ATP7B: variants seen among roughly 807,000 people sequenced by gnomAD.
ATP7B encodes the protein ATPase copper transporting beta, also known as copper-transporting ATPase 2.
In ATP7B, 113 loss-of-function variants were observed where a neutral mutation model predicts 118.9. That is an observed-to-expected ratio of 0.95 (90% confidence interval 0.82 to 1.11). ATP7B has a LOEUF of 1.11. Among genes scored for constraint, ATP7B ranks in the 50% most tolerant of loss-of-function variants. The pLI is 0.00. For missense variants in ATP7B, 1,867 were observed against 1,871.4 expected (o/e 1.00, Z 0.04); for synonymous variants, 777 against 727.4 (o/e 1.07, Z -1.10).
At position 51,974,971 on chromosome 13, in the gene ATP7B, C is replaced by A; in HGVS notation, c.249G>T (p.Leu83Phe). 1.2e-6 allele frequency: 2 copies of A among 1,614,222 alleles called. No individual in the cohort carries two copies. The highest frequency in any genetic ancestry group is 1.7e-6 in the Non-Finnish European group (2 of 1,180,036). The stretch of plus-strand genomic sequence containing the variant: ...AAACCTTCATGCTGATGATGCCTTT[C>A]AAATTGGAAATCCTGTCCTCAATGG... ...VKSIEDRISN[L>F]KGIISMKVSL... is the part of the protein sequence containing the mutation. The change falls in exon 2 of 21, where the codon TTG becomes TTT. Residue 83 changes from leucine (L) to phenylalanine (F), a missense_variant. Leu to Phe is a conservative substitution (Grantham distance 22). Transcript: ENST00000242839.
chr13:51,987,383 C>A (rs1319981836), intron 1 of ATP7B, among the ~76,000 whole-genome samples: 1 of 152,164 alleles, frequency 6.6e-6, no homozygotes, highest in African/African-American at 2.4e-5. Context: ...TCAAGGAGAA[C>A]TACAAACCAC....
chr13:51,957,551 G>A lies in ATP7B; in HGVS notation c.2412C>T (p.Thr804=), dbSNP rs372306234. ...AATTGTCCTCACCAAGGGTCACAAC[G>A]GTGGCTTCTGTGGCTTGGAGAGACA... ...KLMSLQATEA[T]VVTLGEDNLI... is the part of the protein sequence containing the mutation. The change falls in exon 9 of 21, where the codon ACC becomes ACT. Residue 804 remains threonine, a synonymous_variant. Coordinates refer to ENST00000242839, the MANE Select transcript of ATP7B (RefSeq NM_000053.4). 15 of 1,613,960 alleles carry A rather than the reference G, an allele frequency of 9.3e-6. No individual in the cohort carries two copies. The highest frequency in any genetic ancestry group is 7.7e-5 in the South Asian group (7 of 91,078).
chr13:51,991,394 A>T (rs1471740690), intron 1 of ATP7B, among the ~76,000 whole-genome samples: 1 of 151,968 alleles, frequency 6.6e-6, no homozygotes, highest in Non-Finnish European at 1.5e-5. Flanking sequence ...TGGGAGGATC[A>T]CTGATGGGAG....
chr13:51,969,875 G>A lies in ATP7B; in HGVS notation c.1543+617C>T, dbSNP rs144362988. Among the ~76,000 whole-genome samples, 49 of 152,334 alleles carry A rather than the reference G, an allele frequency of 3.2e-4. No individual in the cohort carries two copies. In the East Asian group the frequency reaches 8.3e-3, roughly 26 times the overall value. ...CAGGGCTGATTCTAAGGGCCAGGGA[G>A]TTCAAGTAAAAAGACACATCACTGG... On this transcript the variant is annotated intron_variant, in intron 3 of 20. Coordinates refer to ENST00000242839, the MANE Select transcript of ATP7B (RefSeq NM_000053.4).
At chr13:52,004,964 C>T (rs1378591929) in intron 1 of ATP7B, among the ~76,000 whole-genome samples, 1 of 152,222 alleles carries the variant, frequency 6.6e-6, no homozygotes. Context: ...CCTTCCAGAG[C>T]AGCAGCCCAA....
intron 1 of ATP7B, among the ~76,000 whole-genome samples, chr13:52,006,277 C>T (rs1040897494): frequency 3.9e-5 from 6 of 152,188 alleles, no homozygotes; most frequent in African/African-American, 1.4e-4. Flanking sequence ...TGTTACTGGG[C>T]CATCTCCATC....
chr13:52,000,462 G>A (rs1272246482), intron 1 of ATP7B, among the ~76,000 whole-genome samples: 1 of 152,150 alleles, frequency 6.6e-6, no homozygotes, highest in East Asian at 1.9e-4. Flanking sequence ...TGGGGGTTAG[G>A]TTCCAACATA....
rs751811446 is a variant in ATP7B at position 51,934,870 on chromosome 13, C to T, written c.4284G>A (p.Val1428=). Residue 1428 remains valine, a synonymous_variant, in exon 21 of 21, where the codon GTG becomes GTA. Coordinates refer to ENST00000242839, the MANE Select transcript of ATP7B (RefSeq NM_000053.4). ...PWDQVSYVSQ[V]SLSSLTSDKP... is the part of the protein sequence containing the mutation. ...TGTCGGACGTCAGGGAGGACAGCGA[C>T]ACCTGGCTGACATAGCTGACCTGGT... 6.2e-7 allele frequency: 1 copy of T among 1,614,222 alleles called. No homozygotes were observed. The highest frequency in any genetic ancestry group is 1.1e-5 in the South Asian group (1 of 91,084).
chr13:51,984,559 A>G (rs1013983960), intron 1 of ATP7B, among the ~76,000 whole-genome samples: 2 of 152,194 alleles, frequency 1.3e-5, no homozygotes, highest in African/African-American at 2.4e-5. Context: ...CAGGAAATAC[A>G]GAGAACACAA....
rs1952027014 is a variant in ATP7B, at chr13:51,974,833, C to T, written c.387G>A (p.Lys129=). Residue 129 remains lysine (K), a synonymous_variant, in exon 2 of 21, where the codon AAG becomes AAA. Coordinates refer to ENST00000242839, the MANE Select transcript of ATP7B (RefSeq NM_000053.4). The part of the protein sequence containing the change: ...MGFEASIAEG[K]AASWPSRSLP... ...AGGACCTTGAGGGCCAGGAGGCTGCCTTTCCTTCTGCAATGCTGGCCTCGA... is the reference window on the plus strand; with the variant it reads ...AGGACCTTGAGGGCCAGGAGGCTGCTTTTCCTTCTGCAATGCTGGCCTCGA... The T allele has an allele frequency of 6.2e-7, 1 of 1,614,222 alleles. No individual in the cohort carries two copies. Among genetic ancestry groups the T allele is most frequent in the East Asian group, 2.2e-5 (1 of 44,884 alleles).
In ATP7B at chr13:51,968,436, G is replaced by GTA. The variant is rs1407959482; in HGVS notation, c.1707+6_1707+7dup. The GTA allele has an allele frequency of 5.6e-6, 9 of 1,614,068 alleles. No homozygotes were observed. The highest frequency in any genetic ancestry group is 7.6e-6 in the Non-Finnish European group (9 of 1,180,040). On this transcript the variant is annotated splice_region_variant and intron_variant, in intron 4 of 20. Coordinates refer to ENST00000242839, the MANE Select transcript of ATP7B (RefSeq NM_000053.4). ...CCTGTAACCCCGTAACGCACCCACA[G>GTA]TACTTACTGTCAGCTCAATGTTGCC...
At chr13:51,953,375 A>G (rs531837140) in intron 9 of ATP7B, among the ~76,000 whole-genome samples, 33 of 152,332 alleles carry the variant, frequency 2.2e-4, no homozygotes, top group African/African-American at 7.7e-4. Flanking sequence ...AGCAGAACCT[A>G]ATCACTAAGT....
At position 51,935,584 on chromosome 13, in the gene ATP7B, G is replaced by A; in HGVS notation, c.4124+9C>T. ...GCCTCCCACAGATGCTCCACCTGAG[G>A]GGACTCACCACTTGAGCTGCAGGGA... is the stretch of plus-strand genomic sequence containing the variant. On this transcript the variant is annotated intron_variant, in intron 20 of 20. Coordinates refer to ENST00000242839, the MANE Select transcript of ATP7B (RefSeq NM_000053.4). 6.2e-6 allele frequency: 10 copies of A among 1,612,158 alleles called. No individual in the cohort carries two copies. The highest frequency in any genetic ancestry group is 8.5e-6 in the Non-Finnish European group (10 of 1,179,272).
chr13:51,974,245 A>C lies in ATP7B; in HGVS notation c.975T>G (p.Val325=). 6.2e-7 allele frequency: 1 copy of C among 1,614,040 alleles called. No individual in the cohort carries two copies. The highest frequency in any genetic ancestry group is 8.5e-7 in the Non-Finnish European group (1 of 1,179,998). The part of the protein sequence containing the change: ...IEALPPGNFK[V]SLPDGAEGSG... ...TCCCTTCGGCTCCATCAGGAAGAGA[A>C]ACTTTAAAATTCCCAGGTGGAAGTG... The change falls in exon 2 of 21, where the codon GTT becomes GTG. Residue 325 remains valine (V), a synonymous_variant. Coordinates refer to ENST00000242839, the MANE Select transcript of ATP7B (RefSeq NM_000053.4).
intron 4 of ATP7B, among the ~76,000 whole-genome samples, chr13:51,965,803 C>T (rs1394306749): frequency 3.9e-5 from 6 of 152,176 alleles, no homozygotes; most frequent in Non-Finnish European, 8.8e-5. Flanking sequence ...TGTTGCTAAG[C>T]TAGCACCTGA....
chr13:51,947,761 G>A (rs1192472566), intron 12 of ATP7B: 1 of 152,004 alleles, frequency 6.6e-6, no homozygotes, highest in Non-Finnish European at 1.5e-5. Context: ...GATAGGACTG[G>A]GTGGACTTCT....
intron 19 of ATP7B, among the ~76,000 whole-genome samples, chr13:51,936,506 A>C (rs1322008913): frequency 6.6e-6 from 1 of 152,022 alleles, no homozygotes; most frequent in Non-Finnish European, 1.5e-5. Flanking sequence ...GGGAATTACA[A>C]AGCAGAAAAA....
chr13:51,941,349 C>T (rs938833912), intron 15 of ATP7B, 125 bp from the exon 16 acceptor site: 105 of 1,172,276 alleles, frequency 9.0e-5, no homozygotes, highest in Non-Finnish European at 1.2e-4. Context: ...CTTGTAAGCA[C>T]CTCTTGTGAC....
Position 51,939,060 on chromosome 13 carries a change from A to T in ATP7B, c.3690T>A (p.Ile1230=). 1 of 1,614,258 alleles carries T rather than the reference A, an allele frequency of 6.2e-7. No individual in the cohort carries two copies. Among genetic ancestry groups the T allele is most frequent in the Non-Finnish European group, 8.5e-7 (1 of 1,180,038 alleles). The change falls in exon 17 of 21, where the codon ATT becomes ATA. Residue 1230 remains isoleucine, a synonymous_variant. Coordinates refer to ENST00000242839, the MANE Select transcript of ATP7B (RefSeq NM_000053.4). ...TGDNRKTARA[I]ATQVGINKVF... is the part of the protein sequence containing the mutation. ...CATTAAAGGGCTGTACCTGGGTGGC[A>T]ATAGCTCTGGCTGTCTTCCGGTTGT...
Sources: gnomAD v4.1 joint callset for allele counts (sites outside exome capture counted in the v4.1 genomes callset) on GRCh38, gnomAD v4.1.1 for gene constraint, MANE v1.5 for transcripts, NCBI Gene and HGNC (gene_info 2026-07-23, HGNC 2026-07-21) for gene names.